Variants in GNPTAB observed in about 807,000 individuals in gnomAD.
GNPTAB encodes N-acetylglucosamine-1-phosphate transferase subunits alpha and beta.
Under a neutral mutation model 136.6 loss-of-function variants are expected in GNPTAB, and 92 were observed. The ratio of observed to expected loss-of-function variants is 0.67; its 90% CI spans 0.57 to 0.80. The LOEUF (loss-of-function observed/expected upper bound fraction) is 0.80, where lower values mean the gene tolerates loss of function less well. GNPTAB is among the 30% of genes least tolerant of loss of function. The pLI, the probability that GNPTAB is intolerant of heterozygous loss-of-function variation, is 0.00. For synonymous variants in GNPTAB, 512 were observed against 535.1 expected, an observed-to-expected ratio of 0.96 and a Z score of 0.60; for missense variants, 1,343 against 1,501.8, an observed-to-expected ratio of 0.89 and a Z score of 1.75.
intron 5 of GNPTAB, among the ~76,000 whole-genome samples, chr12:101,784,150 A>AAAACCATAAACTCCTGTGCAG (rs1195944922): frequency 3.3e-5 from 5 of 152,368 alleles, no homozygotes; most frequent in Non-Finnish European, 5.9e-5. Flanking sequence ...CTCCTGTGCA[A>AAAACCATAAACTCCTGTGCAG]TCAAAACCTA....
At position 101,761,197 on chromosome 12, in the gene GNPTAB, G is replaced by A. The variant is rs777507587; in HGVS notation, c.3065C>T (p.Ser1022Phe). Residue 1022 changes from serine (S) to phenylalanine (F), a missense_variant, in exon 15 of 21, where the codon TCT becomes TTT. Ser to Phe is a radical substitution (Grantham distance 155). Coordinates refer to ENST00000299314, the MANE Select transcript of GNPTAB (RefSeq NM_024312.5). ...QVFDEVDTDQ[S>F]GVLSDREIRT... The stretch of plus-strand genomic sequence containing the variant: ...GATTTCTCTGTCAGACAAGACACCA[G>A]ATTGATCTGTATCAACTTCATCAAA... 6.2e-7 allele frequency: 1 copy of A among 1,613,910 alleles called. No homozygotes were observed. The highest frequency in any genetic ancestry group is 1.3e-5 in the African/African-American group (1 of 74,934).
At chr12:101,762,801 C>T (rs1464137937) in intron 13 of GNPTAB, among the ~76,000 whole-genome samples, 1 of 150,966 alleles carries the variant, frequency 6.6e-6, no homozygotes, top group Non-Finnish European at 1.5e-5. Flanking sequence ...CAGCAATTAT[C>T]TCCGGGAAGG....
chr12:101,771,236 T>TTAATC, intron 7 of GNPTAB, 79 bp from the exon 8 acceptor site: 8 of 1,222,334 alleles, frequency 6.5e-6, no homozygotes, highest in Non-Finnish European at 9.4e-6. Context: ...ACTCTGCTCT[T>TTAATC]TAATCTTTCC....
At chr12:101,757,085 G>A in intron 18 of GNPTAB, 127 bp downstream of exon 18, 1 of 632,438 alleles carries the variant, frequency 1.6e-6, no homozygotes, top group Non-Finnish European at 2.8e-6. Context: ...TCAACCACCA[G>A]CTCCAACACT....
chr12:101,807,509 T>G (rs1196720321), intron 1 of GNPTAB, among the ~76,000 whole-genome samples: 1 of 146,512 alleles, frequency 6.8e-6, no homozygotes, highest in Non-Finnish European at 1.5e-5. Context: ...TTGGTTTGAA[T>G]AGAAGAAAAA....
At chr12:101,765,402 A>G (rs938685538) in intron 12 of GNPTAB, 98 bp from the exon 13 acceptor site, 6 of 853,526 alleles carry the variant, frequency 7.0e-6, no homozygotes, top group Admixed American at 1.9e-5. Context: ...TTTCTTTTAA[A>G]AAAAATAATA....
chr12:101,765,425 T>C (rs779859357), intron 12 of GNPTAB, 121 bp from the exon 13 acceptor site: 5 of 725,370 alleles, frequency 6.9e-6, no homozygotes, highest in Non-Finnish European at 1.2e-5. Context: ...GAATGCATCA[T>C]GAATTTGCAT....
intron 2 of GNPTAB, among the ~76,000 whole-genome samples, chr12:101,791,258 C>T (rs933380994): frequency 2.3e-4 from 35 of 152,272 alleles, no homozygotes; most frequent in African/African-American, 7.5e-4. Context: ...TCTCTCACTA[C>T]CAAAAACCTA....
intron 19 of GNPTAB, among the ~76,000 whole-genome samples, chr12:101,752,876 C>A (rs1057301634): frequency 1.3e-5 from 2 of 152,118 alleles, no homozygotes; most frequent in Non-Finnish European, 2.9e-5. Flanking sequence ...CCTTAAAATG[C>A]AAATAAATGT....
intron 10 of GNPTAB, among the ~76,000 whole-genome samples, chr12:101,768,422 G>T (rs1419697329): frequency 6.6e-6 from 1 of 152,164 alleles, no homozygotes; most frequent in Non-Finnish European, 1.5e-5. Flanking sequence ...TTCAACTCAT[G>T]GATTAGTCTC....
At chr12:101,760,781 C>CTTT (rs879535763) in intron 15 of GNPTAB, among the ~76,000 whole-genome samples, 1 of 137,222 alleles carries the variant, frequency 7.3e-6, no homozygotes, top group South Asian at 2.3e-4. Context: ...ATTTTCTTTT[C>CTTT]TTTTTTTTTT....
chr12:101,801,231 CAAAAAAAA>C (rs35036983), intron 1 of GNPTAB, among the ~76,000 whole-genome samples: 2 of 12,750 alleles, frequency 1.6e-4, no homozygotes, highest in Admixed American at 1.3e-3. Context: ...GACCCTGTCT[CAAAAAAAA>C]AAAAAAAAAA....
At chr12:101,814,827 TTAA>T (rs1357047850) in intron 1 of GNPTAB, among the ~76,000 whole-genome samples, 2 of 152,230 alleles carry the variant, frequency 1.3e-5, no homozygotes, top group Non-Finnish European at 2.9e-5. Context: ...AAAAATCTCT[TTAA>T]TGTCTATTTA....
Position 101,761,744 on chromosome 12 carries a change from G to T in GNPTAB, c.2735C>A (p.Thr912Lys). Reference protein sequence around the residue: ...DLLDEEESLKTQLAYFTDSKN... With the variant: ...DLLDEEESLKKQLAYFTDSKN... ...GCTATCAGTGAAGTATGCCAATTGT[G>T]TCTTCAATGACTCTTCTTCCTGAAA... Residue 912 changes from threonine to lysine, a missense_variant, in exon 14 of 21, where the codon ACA (threonine) becomes AAA (lysine). Transcript: ENST00000299314. 1 of 1,612,542 alleles carries T rather than the reference G, an allele frequency of 6.2e-7. No homozygotes were observed. Among genetic ancestry groups the T allele is most frequent in the Non-Finnish European group, 8.5e-7 (1 of 1,178,636 alleles).
intron 18 of GNPTAB, among the ~76,000 whole-genome samples, chr12:101,754,337 G>A (rs144591982): frequency 6.6e-6 from 1 of 152,140 alleles, no homozygotes; most frequent in East Asian, 1.9e-4. Context: ...TGAGGCACTA[G>A]AATTGCTGAA....
chr12:101,814,341 A>G (rs116234065), intron 1 of GNPTAB, among the ~76,000 whole-genome samples: 268 of 151,718 alleles, frequency 1.8e-3, no homozygotes, highest in African/African-American at 6.4e-3. Flanking sequence ...GCTTTGAAAA[A>G]TGTATGTGGA....
intron 5 of GNPTAB, among the ~76,000 whole-genome samples, chr12:101,782,038 T>C (rs1868375032): frequency 6.6e-6 from 1 of 152,214 alleles, no homozygotes; most frequent in African/African-American, 2.4e-5. Context: ...AGATTAGTCA[T>C]AGGTCCGGTC....
intron 1 of GNPTAB, among the ~76,000 whole-genome samples, chr12:101,804,077 A>G (rs1161008156): frequency 6.6e-6 from 1 of 152,104 alleles, no homozygotes; most frequent in East Asian, 1.9e-4. Context: ...ATTTAAAAAA[A>G]AAAAATTTTT....
At chr12:101,779,588 G>T (rs11834612) in intron 7 of GNPTAB, 2,357 of 157,618 alleles carry the variant, frequency 0.015, 70 homozygotes, top group African/African-American at 0.054. Context: ...CTAATGAATG[G>T]TTCTCATTAG....
Sources: allele counts gnomAD v4.1 joint callset (sites outside exome capture counted in the v4.1 genomes callset), GRCh38; gene constraint gnomAD v4.1.1; transcripts MANE v1.5; gene names NCBI Gene and HGNC (gene_info 2026-07-23, HGNC 2026-07-21).